PLCE1: variants seen among roughly 807,000 people sequenced by gnomAD.
PLCE1 encodes 1-phosphatidylinositol 4,5-bisphosphate phosphodiesterase epsilon-1.
Under a neutral mutation model 242.8 loss-of-function variants are expected in PLCE1, and 119 were observed. The observed-to-expected ratio is 0.49, with a 90% confidence interval of 0.42 to 0.57. The LOEUF is 0.57. Among genes scored for constraint, PLCE1 ranks in the 20% least tolerant of loss-of-function variants. PLCE1 has a pLI of 0.00. For synonymous variants in PLCE1, 945 were observed against 1,017.4 expected, an observed-to-expected ratio of 0.93 and a Z score of 1.35; for missense variants, 2,441 against 2,788.8, an observed-to-expected ratio of 0.88 and a Z score of 2.81.
chr10:94,317,116 T>C (rs1194730106), intron 29 of PLCE1, among the ~76,000 whole-genome samples: 3 of 152,156 alleles, frequency 2.0e-5, no homozygotes, highest in South Asian at 2.1e-4. Context: ...CCAGGCGTGG[T>C]GGCAGGCACC....
chr10:94,314,787 A>C (rs568919141), intron 28 of PLCE1: 1 of 152,360 alleles, frequency 6.6e-6, no homozygotes, highest in South Asian at 2.1e-4. Flanking sequence ...TCTGTCTTTC[A>C]AGGGCACATC....
chr10:94,154,882 A>T (rs2047380318), intron 3 of PLCE1, among the ~76,000 whole-genome samples: 1 of 146,772 alleles, frequency 6.8e-6, no homozygotes, highest in East Asian at 2.0e-4. Context: ...TCTATTTTAA[A>T]TATATATATA....
chr10:94,032,095 C>T lies in PLCE1; in HGVS notation c.1049C>T (p.Thr350Ile). The T allele has an allele frequency of 6.2e-7, 1 of 1,611,338 alleles. No homozygotes were observed. Residue 350 changes from threonine to isoleucine, a missense_variant, in exon 2 of 33, where the codon ACT (threonine) becomes ATT (isoleucine). This residue lies in a region of PLCE1 where 733 missense variants were observed against 754.2 expected (regional missense o/e 0.97). Coordinates refer to ENST00000371380, the MANE Select transcript of PLCE1 (RefSeq NM_016341.4). The stretch of plus-strand genomic sequence containing the variant: ...ACTGGAACAAGAGCAATTGTGAGAA[C>T]TCTGCCTTCTGGCCACATTGGGCTG... ...VYTGTRAIVRTLPSGHIGLTA... is the reference protein window; with the variant it reads ...VYTGTRAIVRILPSGHIGLTA...
At chr10:94,045,217 T>G (rs1423251788) in intron 2 of PLCE1, among the ~76,000 whole-genome samples, 1 of 152,164 alleles carries the variant, frequency 6.6e-6, no homozygotes, top group Non-Finnish European at 1.5e-5. Flanking sequence ...TTGCCCAGGT[T>G]GGCGTCAAGT....
intron 3 of PLCE1, among the ~76,000 whole-genome samples, chr10:94,133,787 A>C (rs971807768): frequency 6.6e-6 from 1 of 152,154 alleles, no homozygotes; most frequent in African/African-American, 2.4e-5. Flanking sequence ...CATTCAACAC[A>C]TTTTTTGAGC....
intron 4 of PLCE1, chr10:94,227,094 C>A: frequency 2.0e-6 from 1 of 512,460 alleles, no homozygotes; most frequent in Non-Finnish European, 3.6e-6. Flanking sequence ...CCAGGCTGGT[C>A]TCAAACTCCT....
intron 4 of PLCE1, among the ~76,000 whole-genome samples, chr10:94,191,204 C>A (rs1048125772): frequency 1.3e-5 from 2 of 152,158 alleles, no homozygotes; most frequent in Non-Finnish European, 2.9e-5. Context: ...GGCACAATGG[C>A]AAACATTGTG....
chr10:94,135,649 A>G (rs2046747180), intron 3 of PLCE1, among the ~76,000 whole-genome samples: 1 of 152,232 alleles, frequency 6.6e-6, no homozygotes, highest in Non-Finnish European at 1.5e-5. Flanking sequence ...TCTGTAACCC[A>G]TAACACAGTT....
chr10:94,093,942 T>TTTC (rs1374808661), intron 2 of PLCE1, among the ~76,000 whole-genome samples: 3 of 129,910 alleles, frequency 2.3e-5, no homozygotes, highest in Non-Finnish European at 4.8e-5. Flanking sequence ...TTCTTTTTTT[T>TTTC]TTTTTTTTTT....
At chr10:94,222,604 A>T (rs573191657) in intron 4 of PLCE1, among the ~76,000 whole-genome samples, 146 of 152,158 alleles carry the variant, frequency 9.6e-4, no homozygotes, top group African/African-American at 3.1e-3. Flanking sequence ...TTTTTATCAG[A>T]CTCCTGAAGG....
chr10:94,030,503 G>A (rs1381851434), intron 1 of PLCE1, among the ~76,000 whole-genome samples, 180 bp from the exon 2 acceptor site: 1 of 150,988 alleles, frequency 6.6e-6, no homozygotes, highest in Non-Finnish European at 1.5e-5. Flanking sequence ...CTCCATTTTG[G>A]CTGGAAGCAG....
chr10:94,211,835 T>C (rs560319405), intron 4 of PLCE1, among the ~76,000 whole-genome samples: 1 of 152,310 alleles, frequency 6.6e-6, no homozygotes, highest in Non-Finnish European at 1.5e-5. Flanking sequence ...TTTGGCCAGG[T>C]GCAGGTAGAG....
chr10:94,161,638 AC>A (rs2047617399), intron 3 of PLCE1, among the ~76,000 whole-genome samples: 2 of 152,094 alleles, frequency 1.3e-5, no homozygotes, highest in South Asian at 4.1e-4. Flanking sequence ...CTAACTGAAT[AC>A]CCTTTATTTC....
At chr10:93,999,885 T>C (rs544338644) in intron 1 of PLCE1, among the ~76,000 whole-genome samples, 1 of 152,376 alleles carries the variant, frequency 6.6e-6, no homozygotes, top group East Asian at 1.9e-4. Flanking sequence ...AATGGCCCTC[T>C]GTAACTGCCA....
At chr10:94,327,076 C>T (rs951309423) in intron 32 of PLCE1, among the ~76,000 whole-genome samples, 30 of 151,302 alleles carry the variant, frequency 2.0e-4, no homozygotes, top group Non-Finnish European at 3.8e-4. Flanking sequence ...GCAGGAGAAT[C>T]GCTTGAACCC....
At position 94,254,170 on chromosome 10, in the gene PLCE1, C is replaced by T. The variant is rs77520887; in HGVS notation, c.3280-20C>T. On this transcript the variant is annotated intron_variant, in intron 9 of 32. Coordinates refer to ENST00000371380, the MANE Select transcript of PLCE1 (RefSeq NM_016341.4). Reference sequence around the variant, plus strand: ...GAGAGAAATACAGGCTTGGAACCATCGTGAGCTTTGTGTTCCCAGGGTGAG... The same window carrying T: ...GAGAGAAATACAGGCTTGGAACCATTGTGAGCTTTGTGTTCCCAGGGTGAG... The T allele has an allele frequency of 2.1e-3, 3,241 of 1,550,710 alleles. 7 individuals carry two copies. The highest frequency in any genetic ancestry group is 2.5e-3 in the Non-Finnish European group (2,820 of 1,122,154).
rs1035912134 is a variant in PLCE1 at position 94,285,043 on chromosome 10, G to A, written c.5035+78G>A. On this transcript the variant is annotated intron_variant, in intron 22 of 32. Coordinates refer to ENST00000371380, the MANE Select transcript of PLCE1 (RefSeq NM_016341.4). ...TATGCCATTTATTTAATTGGGCATT[G>A]TGAACACTCTCAAAATAACTAAATT... is the stretch of plus-strand genomic sequence containing the variant. The A allele has an allele frequency of 2.4e-5, 20 of 816,908 alleles. No homozygotes were observed. In the Admixed American group the frequency reaches 3.2e-4, roughly 13 times the overall value. The allele number at this position is 816,908 out of a possible 1,614,324, so 50.6% of individuals were successfully genotyped here.
intron 2 of PLCE1, among the ~76,000 whole-genome samples, chr10:94,079,447 CGTG>C (rs2044594752): frequency 6.6e-6 from 1 of 151,790 alleles, no homozygotes; most frequent in Non-Finnish European, 1.5e-5. Context: ...CAGGGCCTGT[CGTG>C]GGGTGGGGAG....
chr10:94,107,797 C>T (rs2045809492), intron 2 of PLCE1: 1 of 152,142 alleles, frequency 6.6e-6, no homozygotes, highest in African/African-American at 2.4e-5. Context: ...TTCAGGGCTT[C>T]TGTCATCTCT....
Sources: allele counts gnomAD v4.1 joint callset (sites outside exome capture counted in the v4.1 genomes callset), GRCh38; gene constraint gnomAD v4.1.1; regional missense constraint gnomAD v4.1.1; transcripts MANE v1.5; gene names NCBI Gene and HGNC (gene_info 2026-07-23, HGNC 2026-07-21).